CTNNA3: variants seen among roughly 807,000 people sequenced by gnomAD.
The protein encoded by CTNNA3 is catenin alpha 3, also known as catenin alpha-3.
A neutral mutation model predicts 95.7 loss-of-function variants in CTNNA3; 76 were observed. The observed-to-expected ratio is 0.79, with a 90% CI of 0.66 to 0.96. The LOEUF (loss-of-function observed/expected upper bound fraction) is 0.96. Ranked by LOEUF, CTNNA3 falls within the 40% of genes least tolerant of loss-of-function variation. The probability of loss-of-function intolerance (pLI) is 0.00; values close to 1 mark genes in which losing one functional copy is unlikely to be tolerated. For missense variants in CTNNA3, 1,191 were observed against 1,089.8 expected (o/e 1.09, Z -1.31); for synonymous variants, 431 against 374.4 (o/e 1.15, Z -1.74).
chr10:67,258,469 G>T (rs1080309), intron 5 of CTNNA3, among the ~76,000 whole-genome samples: 7,018 of 152,174 alleles, frequency 0.046, 218 homozygotes, highest in South Asian at 0.091. Flanking sequence ...AAAAGTACTT[G>T]TCATAATACC....
chr10:67,038,980 T>C (rs1428191595), intron 7 of CTNNA3, among the ~76,000 whole-genome samples: 1 of 152,128 alleles, frequency 6.6e-6, no homozygotes, highest in African/African-American at 2.4e-5. Flanking sequence ...TATTAATTTT[T>C]CAGGCATAAT....
chr10:66,016,664 A>G (rs922680411), intron 15 of CTNNA3, among the ~76,000 whole-genome samples: 24 of 152,116 alleles, frequency 1.6e-4, no homozygotes, highest in African/African-American at 5.8e-4. Context: ...AAAATCTTTA[A>G]CTTAAAAGCT....
intron 5 of CTNNA3, among the ~76,000 whole-genome samples, chr10:67,222,851 G>A (rs1864724140): frequency 6.6e-6 from 1 of 152,162 alleles, no homozygotes; most frequent in Admixed American, 6.5e-5. Context: ...TCTGAAAGGT[G>A]AAAAACTTGA....
At chr10:66,499,820 T>C (rs1840218732) in intron 11 of CTNNA3, among the ~76,000 whole-genome samples, 1 of 151,544 alleles carries the variant, frequency 6.6e-6, no homozygotes, top group Non-Finnish European at 1.5e-5. Context: ...TTTTTTTTTT[T>C]TTAACAGAGT....
At chr10:66,569,886 C>A (rs10997238) in intron 10 of CTNNA3, among the ~76,000 whole-genome samples, 7,145 of 152,174 alleles carry the variant, frequency 0.047, 491 homozygotes, top group East Asian at 0.33. Flanking sequence ...AAAGGCAGAG[C>A]CATTACTAAT....
intron 5 of CTNNA3, among the ~76,000 whole-genome samples, chr10:67,343,834 T>C (rs1842307219): frequency 6.6e-6 from 1 of 151,368 alleles, no homozygotes; most frequent in Non-Finnish European, 1.5e-5. Context: ...GTTCCAGATC[T>C]TAGTGGAAAG....
intron 13 of CTNNA3, among the ~76,000 whole-genome samples, chr10:66,123,621 T>C (rs1380190863): frequency 6.6e-6 from 1 of 152,124 alleles, no homozygotes; most frequent in South Asian, 2.1e-4. Context: ...TAGCAGAGGT[T>C]CTCCATGGGA....
intron 6 of CTNNA3, among the ~76,000 whole-genome samples, chr10:67,182,533 T>C (rs1049649231): frequency 2.2e-4 from 34 of 151,950 alleles, no homozygotes; most frequent in Non-Finnish European, 4.7e-4. Context: ...ATACAAAAAT[T>C]AATTCAAGAA....
rs148420858 is a variant in CTNNA3, at chr10:66,801,946, A to G, written c.1048-26422T>C. ...GAAGATAATCCAGAAAGAGATTCAT[A>G]TTTACATGGTTAATAAATATTTACA... On this transcript the variant is annotated intron_variant, in intron 7 of 17. Transcript: ENST00000433211. Among the ~76,000 whole-genome samples, 917 of 151,902 alleles carry G rather than the reference A, an allele frequency of 6.0e-3. 6 individuals are homozygous for G. Among genetic ancestry groups the G allele is most frequent in the African/African-American group, 0.021 (869 of 41,540 alleles).
intron 7 of CTNNA3, chr10:66,926,453 A>C (rs1847078719): frequency 1.0e-6 from 1 of 989,936 alleles, no homozygotes; most frequent in Non-Finnish European, 1.6e-6. Flanking sequence ...CCATCTCCCA[A>C]GGGGTCCAAT....
rs1336450383 is a variant in CTNNA3 at position 67,606,886 on chromosome 10, G to A, written c.263C>T (p.Thr88Met). The A allele has an allele frequency of 2.4e-5, 38 of 1,613,820 alleles. No homozygotes were observed. In the East Asian group the frequency reaches 2.9e-4, roughly 12 times the overall value. Reference protein sequence around the residue: ...QEATVLKDELTASLEEVRKES... With the variant: ...QEATVLKDELMASLEEVRKES... ...TTTGCGAACTTCCTCAAGTGAAGCC[G>A]TAAGCTCATCCTTTAAAACTGTAGC... The change falls in exon 3 of 18, where the codon ACG becomes ATG. Residue 88 changes from threonine (T) to methionine (M), a missense_variant. Coordinates refer to ENST00000433211, the MANE Select transcript of CTNNA3 (RefSeq NM_013266.4).
intron 5 of CTNNA3, among the ~76,000 whole-genome samples, chr10:67,306,171 A>G (rs7093520): frequency 6.6e-6 from 1 of 151,970 alleles, no homozygotes; most frequent in Non-Finnish European, 1.5e-5. Flanking sequence ...CAAAAAAAAA[A>G]TTATAGAGCC....
intron 7 of CTNNA3, chr10:67,054,641 T>A (rs993460130): frequency 3.9e-5 from 6 of 152,282 alleles, no homozygotes; most frequent in African/African-American, 1.4e-4. Flanking sequence ...GTATTTCCAA[T>A]GGCGGGAGAC....
chr10:66,187,066 G>A (rs1227279803), intron 13 of CTNNA3, among the ~76,000 whole-genome samples: 1 of 152,112 alleles, frequency 6.6e-6, no homozygotes, highest in Non-Finnish European at 1.5e-5. Context: ...CCTGGAGGGA[G>A]CAGAATAGAT....
At chr10:66,908,656 A>G (rs1846094356) in intron 7 of CTNNA3, among the ~76,000 whole-genome samples, 1 of 152,114 alleles carries the variant, frequency 6.6e-6, no homozygotes, top group Non-Finnish European at 1.5e-5. Context: ...AGCTGCTGCT[A>G]TGGCTAGATT....
chr10:66,354,156 C>T (rs189721275), intron 12 of CTNNA3, among the ~76,000 whole-genome samples: 34 of 151,940 alleles, frequency 2.2e-4, no homozygotes, highest in Non-Finnish European at 4.7e-4. Context: ...TGGTGGCGGG[C>T]GCCTGTAATC....
At chr10:66,971,093 T>C (rs984810296) in intron 7 of CTNNA3, among the ~76,000 whole-genome samples, 1 of 152,148 alleles carries the variant, frequency 6.6e-6, no homozygotes, top group African/African-American at 2.4e-5. Context: ...TGTATCTATT[T>C]GGACTTTAAT....
intron 7 of CTNNA3, among the ~76,000 whole-genome samples, chr10:66,887,351 T>C (rs901964996): frequency 6.6e-6 from 1 of 152,180 alleles, no homozygotes; most frequent in Non-Finnish European, 1.5e-5. Flanking sequence ...TCTTTGAGTA[T>C]GTGATTCAGT....
chr10:67,646,791 C>T (rs576317538), intron 2 of CTNNA3, among the ~76,000 whole-genome samples: 34 of 152,140 alleles, frequency 2.2e-4, no homozygotes, highest in African/African-American at 7.9e-4. Flanking sequence ...TAAATCTATA[C>T]CACTGCATAA....
Sources: gnomAD v4.1 joint callset for allele counts (sites outside exome capture counted in the v4.1 genomes callset) on GRCh38, gnomAD v4.1.1 for gene constraint, MANE v1.5 for transcripts, NCBI Gene and HGNC (gene_info 2026-07-23, HGNC 2026-07-21) for gene names.